The following JRK variants were observed in gnomAD, a reference collection of about 807,000 sequenced individuals.
JRK encodes the protein Jrk helix-turn-helix protein, also known as jerky protein homolog.
For missense variants in JRK, 720 were observed against 509.2 expected (o/e 1.41, Z -3.98); for synonymous variants, 303 against 218.1 (o/e 1.39, Z -3.43).
At position 142,661,797 on chromosome 8, in the gene JRK, A is replaced by T. The variant is rs1487730790; in HGVS notation, c.*2555T>A. The T allele has an allele frequency of 2.0e-6, 2 of 985,428 alleles. No individual in the cohort carries two copies. The highest frequency in any genetic ancestry group is 2.4e-6 in the Non-Finnish European group (2 of 830,058). 61.0% of individuals were successfully genotyped at this position (985,428 alleles called of 1,614,324 possible). ...CACCTGAGAGGGCTTGGGGAAAAAGATTCTGAGGCTAAAACATTCAACCAC... is the reference window on the plus strand; with the variant it reads ...CACCTGAGAGGGCTTGGGGAAAAAGTTTCTGAGGCTAAAACATTCAACCAC... On this transcript the variant is annotated 3_prime_UTR_variant, in exon 2 of 2. Transcript: ENST00000612905.
chr8:142,652,187 G>C, the JRK span, among the ~76,000 whole-genome samples: 5 of 152,164 alleles, frequency 3.3e-5, no homozygotes, highest in Admixed American at 3.3e-4. Context: ...TCAAAGGTCA[G>C]AGGCACCTCC....
chr8:142,662,550 G>A lies in JRK; in HGVS notation c.*1802C>T. ...ACAATGGGACACAAATGGGAACTGG[G>A]ACTGTCGTTCAGCACCGAGATCTTT... On this transcript the variant is annotated 3_prime_UTR_variant, in exon 2 of 2. Coordinates refer to ENST00000612905, the MANE Select transcript of JRK (RefSeq NM_003724.4). The A allele has an allele frequency of 1.0e-6, 1 of 985,384 alleles. No homozygotes were observed. The highest frequency in any genetic ancestry group is 1.2e-6 in the Non-Finnish European group (1 of 829,936). The allele number at this position is 985,384 out of a possible 1,614,324, so 61.0% of individuals were successfully genotyped here. A position where few individuals can be genotyped will look rare whatever the true frequency, so the allele number is the denominator to read the frequency against.
Position 142,664,203 on chromosome 8 carries a change from A to T in JRK, c.*149T>A. The T allele has an allele frequency of 7.1e-7, 1 of 1,402,694 alleles. No individual in the cohort carries two copies. Among genetic ancestry groups the T allele is most frequent in the Non-Finnish European group, 9.3e-7 (1 of 1,076,732 alleles). 86.9% of individuals were successfully genotyped at this position (1,402,694 alleles called of 1,614,324 possible). On this transcript the variant is annotated 3_prime_UTR_variant, in exon 2 of 2. Transcript: ENST00000612905. Reference sequence around the variant, plus strand: ...GGGCACAGACCGTCCTGGGCACCCGAGCCACACCCGTGGGCGACCCACTCC... The same window carrying T: ...GGGCACAGACCGTCCTGGGCACCCGTGCCACACCCGTGGGCGACCCACTCC...
Position 142,659,088 on chromosome 8 carries a change from A to C in JRK, c.*5264T>G. On this transcript the variant is annotated 3_prime_UTR_variant, in exon 2 of 2. Coordinates refer to ENST00000612905, the MANE Select transcript of JRK (RefSeq NM_003724.4). ...TTTTTCTCTTCAGAACTGACAGCCC[A>C]TCAAGGTACAATGAAATAGAAAAAA... 1.4e-6 allele frequency: 2 copies of C among 1,402,616 alleles called. No individual in the cohort carries two copies. The highest frequency in any genetic ancestry group is 2.3e-4 in the Middle Eastern group (1 of 4,320). 86.9% of individuals were successfully genotyped at this position (1,402,616 alleles called of 1,614,324 possible). A position where few individuals can be genotyped will look rare whatever the true frequency, so the allele number is the denominator to read the frequency against.
At chr8:142,653,784 C>T (rs1846704888), downstream of JRK, among the ~76,000 whole-genome samples, 1 of 152,172 alleles carries the variant, frequency 6.6e-6, no homozygotes, top group Non-Finnish European at 1.5e-5. Flanking sequence ...ACCTTTTCTA[C>T]ACCCCTATGA....
downstream of JRK, among the ~76,000 whole-genome samples, chr8:142,656,894 T>G (rs1342135560): frequency 6.6e-6 from 1 of 152,182 alleles, no homozygotes; most frequent in Non-Finnish European, 1.5e-5. Flanking sequence ...TAAGAGTTGT[T>G]GCCTGCCTCC....
At chr8:142,645,294 T>A in the JRK span, among the ~76,000 whole-genome samples, 1 of 152,202 alleles carries the variant, frequency 6.6e-6, no homozygotes, top group African/African-American at 2.4e-5. Flanking sequence ...AATTTAATTT[T>A]AAAAAACATT....
At position 142,658,662 on chromosome 8, in the gene JRK, C is replaced by A. The variant is rs1007004279; in HGVS notation, c.*5690G>T. Reference sequence around the variant, plus strand: ...GCCTAGTCACCTCCCAAAGGCCCCACCTCCTAATACCACCCTCCTGGGGGT... The same window carrying A: ...GCCTAGTCACCTCCCAAAGGCCCCAACTCCTAATACCACCCTCCTGGGGGT... On this transcript the variant is annotated 3_prime_UTR_variant, in exon 2 of 2. Transcript: ENST00000612905. 23 of 968,076 alleles carry A rather than the reference C, an allele frequency of 2.4e-5. No homozygotes were observed. The African/African-American group carries it at 3.7e-4, about 15-fold the overall frequency. 60.0% of individuals were successfully genotyped at this position (968,076 alleles called of 1,614,324 possible).
chr8:142,661,327 C>G lies in JRK; in HGVS notation c.*3025G>C, dbSNP rs1333809398. 1.0e-6 allele frequency: 1 copy of G among 985,392 alleles called. No homozygotes were observed. Among genetic ancestry groups the G allele is most frequent in the Non-Finnish European group, 1.2e-6 (1 of 829,980 alleles). The allele number at this position is 985,392 out of a possible 1,614,324, so 61.0% of individuals were successfully genotyped here. On this transcript the variant is annotated 3_prime_UTR_variant, in exon 2 of 2. Coordinates refer to ENST00000612905, the MANE Select transcript of JRK (RefSeq NM_003724.4). ...TAACCCCTGAATTCACCATGCCACCCTGAAAGTATGGCCTCTCCTGGGCAT... is the reference window on the plus strand; with the variant it reads ...TAACCCCTGAATTCACCATGCCACCGTGAAAGTATGGCCTCTCCTGGGCAT...
chr8:142,664,373 T>C lies in JRK; in HGVS notation c.1686A>G (p.Ser562=), dbSNP rs782116820. ...GCCATCAGTTGTCACCTGCTGTGGATGAGCAGGGCAAGGGAGACTGAGCTG... is the reference window on the plus strand; with the variant it reads ...GCCATCAGTTGTCACCTGCTGTGGACGAGCAGGGCAAGGGAGACTGAGCTG... The part of the protein sequence containing the change: ...GATAQSPLPC[S]STAGDN The change falls in exon 2 of 2, where the codon TCA becomes TCG. Residue 562 remains serine, a synonymous_variant. Transcript: ENST00000612905. The C allele has an allele frequency of 3.2e-6, 5 of 1,569,382 alleles. No homozygotes were observed. Among genetic ancestry groups the C allele is most frequent in the African/African-American group, 1.4e-5 (1 of 73,982 alleles).
the JRK span, among the ~76,000 whole-genome samples, chr8:142,644,122 C>A: frequency 6.6e-6 from 1 of 151,988 alleles, no homozygotes. Context: ...GAAAGTTTTC[C>A]TTTTATTCTG....
chr8:142,652,241 T>C, the JRK span, among the ~76,000 whole-genome samples: 1 of 152,150 alleles, frequency 6.6e-6, no homozygotes, highest in Admixed American at 6.5e-5. Flanking sequence ...ACCCAGAAAA[T>C]CTGAGACAAG....
intron 1 of JRK, among the ~76,000 whole-genome samples, chr8:142,668,560 C>T (rs1172257437): frequency 6.6e-6 from 1 of 151,700 alleles, no homozygotes; most frequent in Non-Finnish European, 1.5e-5. Context: ...GGGGGAGACA[C>T]GGAATCCCAC....
chr8:142,669,403 T>C (rs1483910026), intron 1 of JRK, among the ~76,000 whole-genome samples: 1 of 151,780 alleles, frequency 6.6e-6, no homozygotes, highest in Admixed American at 6.6e-5. Context: ...CCCTCCACGC[T>C]GGGGGATCCT....
chr8:142,645,391 C>T, the JRK span, among the ~76,000 whole-genome samples: 1 of 151,806 alleles, frequency 6.6e-6, no homozygotes, highest in Non-Finnish European at 1.5e-5. Flanking sequence ...AAAAATACAC[C>T]CTCTTAGGCT....
the JRK span, among the ~76,000 whole-genome samples, chr8:142,652,191 C>A: frequency 1.3e-5 from 2 of 152,260 alleles, no homozygotes; most frequent in Non-Finnish European, 2.9e-5. Flanking sequence ...AGGTCAGAGG[C>A]ACCTCCACTC....
At position 142,666,533 on chromosome 8, in the gene JRK, G is replaced by A. The variant is rs782117414; in HGVS notation, c.-462-13C>T. 1 of 252,684 alleles carries A rather than the reference G, an allele frequency of 4.0e-6. No homozygotes were observed. The highest frequency in any genetic ancestry group is 7.8e-6 in the Non-Finnish European group (1 of 127,572). The allele number at this position is 252,684 out of a possible 1,614,324, so 15.7% of individuals were successfully genotyped here. On this transcript the variant is annotated splice_polypyrimidine_tract_variant and intron_variant, in intron 1 of 1. Transcript: ENST00000612905. ...AGCACTTCAGGGGCTGGAAAGCAGA[G>A]GGAACAGAGAGGAAAGTGATGGGGC...
rs587648900 is a variant in JRK, at chr8:142,661,056, G to A, written c.*3296C>T. ...CTGGATAAGAACAGTGGCCTGCGAC[G>A]TCAGGGGCAGTCCAGGTGCTCTCCA... On this transcript the variant is annotated 3_prime_UTR_variant, in exon 2 of 2. Coordinates refer to ENST00000612905, the MANE Select transcript of JRK (RefSeq NM_003724.4). 3.6e-5 allele frequency: 35 copies of A among 985,400 alleles called. No individual in the cohort carries two copies. Among genetic ancestry groups the A allele is most frequent in the Admixed American group, 1.8e-4 (3 of 16,290 alleles). The allele number at this position is 985,400 out of a possible 1,614,324, so 61.0% of individuals were successfully genotyped here.
chr8:142,669,510 G>A (rs950163929), intron 1 of JRK, among the ~76,000 whole-genome samples: 58 of 152,240 alleles, frequency 3.8e-4, no homozygotes, highest in African/African-American at 1.3e-3. Context: ...TCTGGGACAA[G>A]AACAAGAACA....
Sources: allele counts gnomAD v4.1 joint callset (sites outside exome capture counted in the v4.1 genomes callset), GRCh38; gene constraint gnomAD v4.1.1; transcripts MANE v1.5; gene names NCBI Gene and HGNC (gene_info 2026-07-23, HGNC 2026-07-21).